The following ZPBP variants were observed in gnomAD, a reference collection of about 807,000 sequenced individuals.
The protein encoded by ZPBP is zona pellucida binding protein.
In ZPBP, 26 loss-of-function variants were observed where a neutral mutation model predicts 44.8. The observed-to-expected ratio is 0.58, with a 90% CI of 0.43 to 0.81. The LOEUF (loss-of-function observed/expected upper bound fraction) is 0.81, where lower values mean the gene tolerates loss of function less well. Ranked by LOEUF, ZPBP falls within the 30% of genes least tolerant of loss-of-function variation. The pLI, the probability that ZPBP is intolerant of heterozygous loss-of-function variation, is 0.00. For missense variants in ZPBP, 409 were observed against 434.0 expected, an observed-to-expected ratio of 0.94 and a Z score of 0.51; for synonymous variants, 174 against 153.2, an observed-to-expected ratio of 1.14 and a Z score of -1.00.
intron 5 of ZPBP, among the ~76,000 whole-genome samples, 175 bp from the exon 6 acceptor site, chr7:50,018,491 T>C (rs1798928024): frequency 6.6e-6 from 1 of 152,014 alleles, no homozygotes. Context: ...ATTTGCTTTC[T>C]ATAAATCAAG....
At chr7:50,005,003 C>A (rs1455084335) in intron 6 of ZPBP, among the ~76,000 whole-genome samples, 1 of 149,560 alleles carries the variant, frequency 6.7e-6, no homozygotes, top group Non-Finnish European at 1.5e-5. Context: ...CAGAAGTTAT[C>A]ATTAAACTGT....
chr7:49,848,740 A>G (rs1004406620), downstream of ZPBP, among the ~76,000 whole-genome samples: 1 of 152,198 alleles, frequency 6.6e-6, no homozygotes, highest in Non-Finnish European at 1.5e-5. Context: ...CATTTCTCTC[A>G]CAGGTTAATA....
At chr7:49,870,857 G>C (rs905219407) in intron 2 of ZPBP, among the ~76,000 whole-genome samples, 2 of 152,170 alleles carry the variant, frequency 1.3e-5, no homozygotes, top group Non-Finnish European at 2.9e-5. Flanking sequence ...CCCAGTTCAA[G>C]AAACCATCAA....
At chr7:50,004,939 A>G (rs1190231245) in intron 6 of ZPBP, among the ~76,000 whole-genome samples, 2 of 151,996 alleles carry the variant, frequency 1.3e-5, no homozygotes, top group Non-Finnish European at 2.9e-5. Flanking sequence ...GGCCACAAAA[A>G]TACATAAAGC....
At chr7:49,975,541 C>T (rs1218996990) in intron 7 of ZPBP, among the ~76,000 whole-genome samples, 4 of 152,216 alleles carry the variant, frequency 2.6e-5, no homozygotes, top group African/African-American at 9.6e-5. Flanking sequence ...ATGTGGGCTA[C>T]TGCCCATCTT....
intron 2 of ZPBP, among the ~76,000 whole-genome samples, chr7:49,881,946 A>G (rs1250318326): frequency 6.6e-6 from 1 of 151,864 alleles, no homozygotes; most frequent in East Asian, 1.9e-4. Context: ...CTTTTTTTAA[A>G]TTTGTCTTGA....
intron 6 of ZPBP, among the ~76,000 whole-genome samples, chr7:49,986,511 T>C (rs1215793160): frequency 3.9e-5 from 6 of 152,192 alleles, no homozygotes; most frequent in African/African-American, 9.7e-5. Context: ...GGCCAAGAAG[T>C]CCAGCTCTGT....
intron 4 of ZPBP, chr7:50,056,542 T>C (rs1319169518): frequency 6.6e-6 from 1 of 152,200 alleles, no homozygotes; most frequent in East Asian, 1.9e-4. Flanking sequence ...ACTTACATGT[T>C]CTGGATATGA....
intron 6 of ZPBP, among the ~76,000 whole-genome samples, chr7:49,987,759 T>C (rs1209739816): frequency 7.0e-6 from 1 of 143,732 alleles, no homozygotes; most frequent in African/African-American, 2.6e-5. Flanking sequence ...TGTGTGTGTG[T>C]GTGTGTGTGT....
At chr7:50,020,116 G>T (rs1411735798) in intron 5 of ZPBP, among the ~76,000 whole-genome samples, 4 of 151,806 alleles carry the variant, frequency 2.6e-5, no homozygotes, top group African/African-American at 9.7e-5. Flanking sequence ...CTGTAGCCAG[G>T]TCTTTTAAGT....
intron 1 of ZPBP, chr7:49,915,020 G>A (rs2128744564): frequency 1.3e-5 from 2 of 152,260 alleles, no homozygotes; most frequent in Admixed American, 1.3e-4. Flanking sequence ...CCCATATTTA[G>A]ATCTGAAAGT....
chr7:49,949,926 G>A (rs1407347266), intron 7 of ZPBP, among the ~76,000 whole-genome samples: 1 of 151,796 alleles, frequency 6.6e-6, no homozygotes, highest in Non-Finnish European at 1.5e-5. Flanking sequence ...CCACCCTACT[G>A]TTGGAAATGT....
chr7:49,984,142 T>C (rs1797145898), intron 6 of ZPBP, among the ~76,000 whole-genome samples: 1 of 152,180 alleles, frequency 6.6e-6, no homozygotes, highest in African/African-American at 2.4e-5. Context: ...ACAAGCTAGT[T>C]AGTTCTACTC....
chr7:49,978,461 A>C (rs1796628507), intron 7 of ZPBP, among the ~76,000 whole-genome samples: 1 of 152,078 alleles, frequency 6.6e-6, no homozygotes, highest in Non-Finnish European at 1.5e-5. Context: ...AGTCTTCACT[A>C]ATTTATAAGG....
At chr7:49,898,855 A>G (rs1792542627) in intron 2 of ZPBP, among the ~76,000 whole-genome samples, 1 of 152,144 alleles carries the variant, frequency 6.6e-6, no homozygotes, top group Admixed American at 6.5e-5. Context: ...TATACCATGT[A>G]TGCTAAGAAA....
chr7:49,999,363 T>C (rs940976343), intron 6 of ZPBP, among the ~76,000 whole-genome samples: 12 of 151,964 alleles, frequency 7.9e-5, no homozygotes, highest in Non-Finnish European at 1.6e-4. Flanking sequence ...TAGTCTATTA[T>C]CCTGTGATTT....
intron 7 of ZPBP, among the ~76,000 whole-genome samples, chr7:49,956,050 T>C (rs1795575789): frequency 6.6e-6 from 1 of 152,176 alleles, no homozygotes; most frequent in African/African-American, 2.4e-5. Flanking sequence ...ATTACAATTA[T>C]ATATTCAAAA....
chr7:49,897,426 A>G (rs1792444858), intron 2 of ZPBP, among the ~76,000 whole-genome samples: 1 of 152,222 alleles, frequency 6.6e-6, no homozygotes, highest in South Asian at 2.1e-4. Flanking sequence ...TCAATACAGA[A>G]GAAGAATTGC....
intron 7 of ZPBP, among the ~76,000 whole-genome samples, chr7:49,950,735 G>A (rs1172664878): frequency 1.3e-5 from 2 of 151,674 alleles, no homozygotes; most frequent in Non-Finnish European, 3.0e-5. Flanking sequence ...TCATGCCTAT[G>A]AGACAGGTAA....
Sources: gnomAD v4.1 joint callset for allele counts (sites outside exome capture counted in the v4.1 genomes callset) on GRCh38, gnomAD v4.1.1 for gene constraint, MANE v1.5 for transcripts, NCBI Gene and HGNC (gene_info 2026-07-23, HGNC 2026-07-21) for gene names.